ZSWIM6: variants seen among roughly 807,000 people sequenced by gnomAD.
ZSWIM6 encodes zinc finger SWIM-type containing 6.
Under a neutral mutation model 113.2 loss-of-function variants are expected in ZSWIM6, and 9 were observed. The observed-to-expected ratio is 0.08, with a 90% CI of 0.05 to 0.14. ZSWIM6 has a LOEUF of 0.14. ZSWIM6 is among the 10% of genes least tolerant of loss of function. The probability of loss-of-function intolerance (pLI) is 1.00; values close to 1 mark genes in which losing one functional copy is unlikely to be tolerated. For synonymous variants in ZSWIM6, 611 were observed against 606.5 expected (o/e 1.01, Z -0.11); for missense variants, 1,162 against 1,552.2 (o/e 0.75, Z 4.22).
chr5:61,437,011 A>G (rs1462298195), intron 1 of ZSWIM6, among the ~76,000 whole-genome samples: 1 of 152,108 alleles, frequency 6.6e-6, no homozygotes, highest in Non-Finnish European at 1.5e-5. Flanking sequence ...TACCTCCTCA[A>G]ACTGAGAGTA....
At chr5:61,405,089 G>T (rs1033805961) in intron 1 of ZSWIM6, among the ~76,000 whole-genome samples, 7 of 152,206 alleles carry the variant, frequency 4.6e-5, no homozygotes, top group African/African-American at 1.7e-4. Context: ...AGGAGTGAGA[G>T]ACCAGTTGAA....
At chr5:61,511,823 C>T (rs1475810607) in intron 4 of ZSWIM6, among the ~76,000 whole-genome samples, 2 of 152,092 alleles carry the variant, frequency 1.3e-5, no homozygotes, top group Non-Finnish European at 2.9e-5. Context: ...AATAGTAATT[C>T]TGACTGTGAA....
At chr5:61,531,907 A>T (rs1056232587) in intron 9 of ZSWIM6, among the ~76,000 whole-genome samples, 182 bp downstream of exon 9, 5 of 152,176 alleles carry the variant, frequency 3.3e-5, no homozygotes, top group African/African-American at 1.2e-4. Flanking sequence ...AAAAGCATGG[A>T]TGTTTAGATT....
At chr5:61,432,292 C>CA (rs1459440169) in intron 1 of ZSWIM6, among the ~76,000 whole-genome samples, 4 of 152,144 alleles carry the variant, frequency 2.6e-5, no homozygotes, top group African/African-American at 4.8e-5. Flanking sequence ...ACCACCTGTG[C>CA]AAAACGAACT....
intron 1 of ZSWIM6, among the ~76,000 whole-genome samples, chr5:61,393,295 C>G (rs893765964): frequency 6.6e-6 from 1 of 152,040 alleles, no homozygotes; most frequent in Non-Finnish European, 1.5e-5. Flanking sequence ...ATCCACCCGC[C>G]TCAGCCTCCC....
intron 1 of ZSWIM6, among the ~76,000 whole-genome samples, chr5:61,416,074 T>A (rs150713342): frequency 6.6e-6 from 1 of 152,298 alleles, no homozygotes; most frequent in African/African-American, 2.4e-5. Context: ...AGTCTAGGAA[T>A]CACTGGATAC....
At chr5:61,521,473 G>A in intron 5 of ZSWIM6, 31 bp downstream of exon 5, 2 of 1,397,938 alleles carry the variant, frequency 1.4e-6, no homozygotes, top group African/African-American at 1.5e-5. Context: ...TGCTTAAATT[G>A]TAGCTACTTA....
At chr5:61,406,721 T>TATTC (rs1746050411) in intron 1 of ZSWIM6, among the ~76,000 whole-genome samples, 1 of 151,684 alleles carries the variant, frequency 6.6e-6, no homozygotes, top group South Asian at 2.1e-4. Flanking sequence ...TTTATTTATT[T>TATTC]ATTTATTTTG....
chr5:61,435,349 T>C (rs1174307624), intron 1 of ZSWIM6, among the ~76,000 whole-genome samples: 2 of 152,244 alleles, frequency 1.3e-5, no homozygotes, highest in Non-Finnish European at 2.9e-5. Context: ...GCTACTGTTT[T>C]GGTAAACACA....
At chr5:61,341,220 G>A (rs1213150030) in intron 1 of ZSWIM6, among the ~76,000 whole-genome samples, 4 of 124,354 alleles carry the variant, frequency 3.2e-5, no homozygotes, top group African/African-American at 9.8e-5. Flanking sequence ...GTGTGGGTGT[G>A]TGTGAGTGTG....
At chr5:61,513,471 A>C (rs1377741973) in intron 4 of ZSWIM6, among the ~76,000 whole-genome samples, 2 of 152,030 alleles carry the variant, frequency 1.3e-5, no homozygotes, top group African/African-American at 4.8e-5. Flanking sequence ...AAAACTTTTA[A>C]ATTTTGATGA....
intron 4 of ZSWIM6, among the ~76,000 whole-genome samples, chr5:61,502,388 G>T (rs1056909576): frequency 6.6e-6 from 1 of 152,132 alleles, no homozygotes; most frequent in African/African-American, 2.4e-5. Flanking sequence ...TCCTTAGAGG[G>T]GGGTGTTCAG....
chr5:61,373,401 G>A (rs1424896887), intron 1 of ZSWIM6, among the ~76,000 whole-genome samples: 8 of 127,998 alleles, frequency 6.3e-5, no homozygotes, highest in African/African-American at 1.9e-4. Flanking sequence ...TTTTTGAGAC[G>A]GAGTCTCGCT....
In ZSWIM6 at chr5:61,545,862, T is replaced by A. The variant is rs1261299146; in HGVS notation, c.*1545T>A. ...TGTAACCTTGTGCTTTTTAAAGCAATTTTTATGTTTTGGTGCAAAAGTTGT... is the reference window on the plus strand; with the variant it reads ...TGTAACCTTGTGCTTTTTAAAGCAAATTTTATGTTTTGGTGCAAAAGTTGT... On this transcript the variant is annotated 3_prime_UTR_variant, in exon 14 of 14. Coordinates refer to ENST00000252744, the MANE Select transcript of ZSWIM6 (RefSeq NM_020928.2). 6.6e-6 allele frequency: 1 copy of A among 152,162 alleles called. No individual in the cohort carries two copies. The highest frequency in any genetic ancestry group is 1.5e-5 in the Non-Finnish European group (1 of 68,020). The allele number at this position is 152,162 out of a possible 1,614,324, so 9.4% of individuals were successfully genotyped here.
chr5:61,519,166 C>G (rs1749042848), intron 4 of ZSWIM6, among the ~76,000 whole-genome samples: 1 of 152,110 alleles, frequency 6.6e-6, no homozygotes, highest in Non-Finnish European at 1.5e-5. Flanking sequence ...AATTGTTTCC[C>G]CTCCATTGGG....
chr5:61,407,503 A>C (rs1283458801), intron 1 of ZSWIM6, among the ~76,000 whole-genome samples: 1 of 152,224 alleles, frequency 6.6e-6, no homozygotes, highest in East Asian at 1.9e-4. Flanking sequence ...GAAACAGATA[A>C]ATTTACCAAA....
chr5:61,479,006 A>G (rs772082849), intron 2 of ZSWIM6, among the ~76,000 whole-genome samples: 1 of 152,164 alleles, frequency 6.6e-6, no homozygotes, highest in South Asian at 2.1e-4. Context: ...CCCTGTCTCT[A>G]GTAAAAATAC....
chr5:61,466,024 A>G (rs1260108186), intron 1 of ZSWIM6, among the ~76,000 whole-genome samples: 1 of 152,190 alleles, frequency 6.6e-6, no homozygotes, highest in Non-Finnish European at 1.5e-5. Flanking sequence ...TGAGAAAATT[A>G]TGGAGTTGAA....
intron 2 of ZSWIM6, among the ~76,000 whole-genome samples, chr5:61,478,438 C>T (rs1200575309): frequency 6.6e-6 from 1 of 152,124 alleles, no homozygotes; most frequent in Non-Finnish European, 1.5e-5. Flanking sequence ...CACGAACACA[C>T]ATGTGCAGAC....
Sources: allele counts gnomAD v4.1 joint callset (sites outside exome capture counted in the v4.1 genomes callset), GRCh38; gene constraint gnomAD v4.1.1; transcripts MANE v1.5; gene names NCBI Gene and HGNC (gene_info 2026-07-23, HGNC 2026-07-21).